MIX23: variants seen among roughly 807,000 people sequenced by gnomAD.
MIX23 encodes protein MIX23.
MIX23 carries 13 observed loss-of-function variants against 21.6 expected under a neutral mutation model. The observed-to-expected ratio is 0.60, with a 90% CI of 0.39 to 0.96. The LOEUF (loss-of-function observed/expected upper bound fraction) is 0.96. Ranked by LOEUF, MIX23 falls within the 40% of genes least tolerant of loss-of-function variation. The pLI, the probability that MIX23 is intolerant of heterozygous loss-of-function variation, is 0.00. For synonymous variants in MIX23, 59 were observed against 58.0 expected, an observed-to-expected ratio of 1.02 and a Z score of -0.08; for missense variants, 144 against 171.2, an observed-to-expected ratio of 0.84 and a Z score of 0.89.
chr3:122,363,727 C>G (rs1397054459), intron 3 of MIX23, among the ~76,000 whole-genome samples: 1 of 151,906 alleles, frequency 6.6e-6, no homozygotes, highest in Admixed American at 6.5e-5. Context: ...CTTAACCATA[C>G]AGTCAGAGGT....
rs1198473114 is a variant in MIX23 at position 122,371,518 on chromosome 3, G to A, written c.177+157C>T. ...CGTAAGGTCACACATTTTCTTTAAT[G>A]TGTAGTAACCAGATCAAAACTTATA... On this transcript the variant is annotated intron_variant, in intron 2 of 4. Coordinates refer to ENST00000291458, the MANE Select transcript of MIX23 (RefSeq NM_001017928.4). Among the ~76,000 whole-genome samples the A allele has an allele frequency of 3.3e-5, 5 of 152,334 alleles. No homozygotes were observed. The East Asian group carries it at 9.6e-4, about 29-fold the overall frequency.
At chr3:122,375,838 T>C (rs9881201) in intron 1 of MIX23, among the ~76,000 whole-genome samples, 30,238 of 151,936 alleles carry the variant, frequency 0.2, 3,629 homozygotes, top group African/African-American at 0.33. Flanking sequence ...GCAGTCCCAC[T>C]ACTGGGTACT....
chr3:122,369,665 G>A (rs529689439), intron 2 of MIX23, among the ~76,000 whole-genome samples: 4 of 152,278 alleles, frequency 2.6e-5, no homozygotes, highest in South Asian at 2.1e-4. Flanking sequence ...AATTTAGTAT[G>A]CAAGCTTATC....
chr3:122,368,263 T>C lies in MIX23; in HGVS notation c.237A>G (p.Ser79=), dbSNP rs777048403. 6.2e-7 allele frequency: 1 copy of C among 1,610,352 alleles called. No individual in the cohort carries two copies. Among genetic ancestry groups the C allele is most frequent in the Non-Finnish European group, 8.5e-7 (1 of 1,179,558 alleles). ...RVIKNCIAQT[S]AVVKNLREER... The stretch of plus-strand genomic sequence containing the variant: ...CTTCTCGGAGGTTTTTTACTACTGC[T>C]GAAGTCTGGGCTATACAGTTTTTTA... The change falls in exon 3 of 5, where the codon TCA becomes TCG. Residue 79 remains serine (S), a synonymous_variant. Transcript: ENST00000291458.
At chr3:122,376,672 A>C (rs1303559915) in intron 1 of MIX23, among the ~76,000 whole-genome samples, 2 of 152,150 alleles carry the variant, frequency 1.3e-5, no homozygotes, top group African/African-American at 2.4e-5. Flanking sequence ...TTGCAGCAAC[A>C]TGGATGGAGC....
intron 1 of MIX23, among the ~76,000 whole-genome samples, chr3:122,381,823 C>T (rs1357245586): frequency 6.6e-6 from 1 of 151,758 alleles, no homozygotes; most frequent in Non-Finnish European, 1.5e-5. Flanking sequence ...ATAGAGAAGA[C>T]ATGGTGAGAA....
At chr3:122,381,748 A>G (rs1004917977) in intron 1 of MIX23, among the ~76,000 whole-genome samples, 3 of 151,444 alleles carry the variant, frequency 2.0e-5, no homozygotes, top group African/African-American at 7.3e-5. Context: ...AAAAAAAAGA[A>G]GAGGAGGAAG....
At chr3:122,371,495 T>A (rs1390348490) in intron 2 of MIX23, among the ~76,000 whole-genome samples, 180 bp downstream of exon 2, 2 of 152,234 alleles carry the variant, frequency 1.3e-5, no homozygotes, top group Non-Finnish European at 2.9e-5. Flanking sequence ...TTCACAAGCG[T>A]AAGGTCACAC....
intron 3 of MIX23, chr3:122,366,410 T>C (rs1162326047): frequency 7.2e-5 from 11 of 152,142 alleles, no homozygotes; most frequent in Admixed American, 7.2e-4. Context: ...ACATCCAGAA[T>C]TGGCGGAATG....
chr3:122,382,978 C>G (rs1405450251), intron 1 of MIX23, among the ~76,000 whole-genome samples, 196 bp downstream of exon 1: 2 of 152,216 alleles, frequency 1.3e-5, no homozygotes, highest in African/African-American at 2.4e-5. Context: ...CTATGACCCC[C>G]CTCCTCCCTC....
intron 1 of MIX23, among the ~76,000 whole-genome samples, chr3:122,375,842 G>C (rs560468150): frequency 1.3e-5 from 2 of 151,980 alleles, no homozygotes; most frequent in African/African-American, 2.4e-5. Context: ...TCCCACTACT[G>C]GGTACTTACC....
At chr3:122,360,082 T>C (rs887692228) in intron 4 of MIX23, among the ~76,000 whole-genome samples, 163 bp from the exon 5 acceptor site, 6 of 152,152 alleles carry the variant, frequency 3.9e-5, no homozygotes, top group African/African-American at 1.4e-4. Flanking sequence ...AACTGACTTA[T>C]GAGGTGCCAA....
intron 4 of MIX23, among the ~76,000 whole-genome samples, chr3:122,360,969 G>A (rs565539329): frequency 3.9e-4 from 59 of 152,060 alleles, no homozygotes; most frequent in African/African-American, 1.3e-3. Flanking sequence ...TCAGCCTCCC[G>A]AGTAGCTGGG....
intron 1 of MIX23, chr3:122,373,117 G>A (rs1279999157): frequency 2.9e-5 from 10 of 347,588 alleles, no homozygotes; most frequent in Non-Finnish European, 5.0e-5. Flanking sequence ...ATCATCCATA[G>A]TTAACCATTA....
At chr3:122,380,604 G>A (rs1485767314) in intron 1 of MIX23, among the ~76,000 whole-genome samples, 1 of 152,170 alleles carries the variant, frequency 6.6e-6, no homozygotes, top group Non-Finnish European at 1.5e-5. Flanking sequence ...AAAGAGACAC[G>A]TATGAGGACA....
At chr3:122,373,144 T>A (rs2075455579) in intron 1 of MIX23, 3 of 303,288 alleles carry the variant, frequency 9.9e-6, no homozygotes, top group South Asian at 9.8e-5. Flanking sequence ...TTTTAATATG[T>A]CCCTTTGGTC....
intron 3 of MIX23, among the ~76,000 whole-genome samples, chr3:122,364,293 C>T (rs74467988): frequency 0.13 from 19,333 of 152,186 alleles, 1,401 homozygotes; most frequent in East Asian, 0.32. Context: ...GACAATTAGT[C>T]CTGTGCTGTG....
rs748081503 is a variant in MIX23, at chr3:122,368,359, T to C, written c.178-37A>G. The C allele has an allele frequency of 1.5e-5, 23 of 1,515,920 alleles. 1 individual carries two copies. In the South Asian group the frequency reaches 2.8e-4, roughly 18 times the overall value. The allele number at this position is 1,515,920 out of a possible 1,614,324, so 93.9% of individuals were successfully genotyped here. Reference sequence around the variant, plus strand: ...AAGGAATGAAAGGAGAAAAAAAAACTGCATAAATTTATCACATTTTAGTGT... The same window carrying C: ...AAGGAATGAAAGGAGAAAAAAAAACCGCATAAATTTATCACATTTTAGTGT... On this transcript the variant is annotated intron_variant, in intron 2 of 4. Transcript: ENST00000291458.
At position 122,359,848 on chromosome 3, in the gene MIX23, A is replaced by AG; in HGVS notation, c.*20_*21insC. 2 of 1,466,770 alleles carry AG rather than the reference A, an allele frequency of 1.4e-6. No homozygotes were observed. Among genetic ancestry groups the AG allele is most frequent in the East Asian group, 5.1e-5 (2 of 38,870 alleles). 90.9% of individuals were successfully genotyped at this position (1,466,770 alleles called of 1,614,324 possible). On this transcript the variant is annotated 3_prime_UTR_variant, in exon 5 of 5. Coordinates refer to ENST00000291458, the MANE Select transcript of MIX23 (RefSeq NM_001017928.4). ...CAGTCCTTAAAAAAAAAAAAAAAAA[A>AG]AAAAAAAAAAGAATCTCTCTTTATT...
Sources: allele counts gnomAD v4.1 joint callset (sites outside exome capture counted in the v4.1 genomes callset), GRCh38; gene constraint gnomAD v4.1.1; transcripts MANE v1.5; gene names NCBI Gene and HGNC (gene_info 2026-07-23, HGNC 2026-07-21).